The following CCDC116 variants were observed in gnomAD, a reference collection of about 807,000 sequenced individuals.
CCDC116 encodes the protein coiled-coil domain-containing protein 116.
In CCDC116, 24 loss-of-function variants were observed where a neutral mutation model predicts 29.4. The observed-to-expected ratio is 0.82, with a 90% CI of 0.59 to 1.15. CCDC116 has a LOEUF of 1.15. Ranked by LOEUF, CCDC116 falls within the 50% of genes most tolerant of loss-of-function variation. The probability of loss-of-function intolerance (pLI) is 0.00; values close to 1 mark genes in which losing one functional copy is unlikely to be tolerated. For synonymous variants in CCDC116, 298 were observed against 331.4 expected, an observed-to-expected ratio of 0.90 and a Z score of 1.10; for missense variants, 791 against 804.0, an observed-to-expected ratio of 0.98 and a Z score of 0.20.
In CCDC116 at chr22:21,633,230, A is replaced by C; in HGVS notation, c.49A>C (p.Ser17Arg). ...GGGTTACCTGGCCGATGACGAGGCCAGCCACTCCATGTGCAGTGCACGGGT... is the reference window on the plus strand; with the variant it reads ...GGGTTACCTGGCCGATGACGAGGCCCGCCACTCCATGTGCAGTGCACGGGT... ...HSGYLADDEA[S>R]HSMCSARVQL... Residue 17 changes from serine (S) to arginine (R), a missense_variant, in exon 2 of 5, where the codon AGC becomes CGC. By Grantham distance (110) the Ser-to-Arg change is moderately radical. Transcript: ENST00000292779. The C allele has an allele frequency of 1.3e-6, 2 of 1,551,482 alleles. No individual in the cohort carries two copies. The highest frequency in any genetic ancestry group is 1.7e-6 in the Non-Finnish European group (2 of 1,147,302).
Position 21,632,820 on chromosome 22 carries a change from T to A in CCDC116, c.-70T>A, listed in dbSNP as rs1930603356. ...TACTGGCCTGTGCGGAGCAAGGCGG[T>A]GTTTCTGGTGAGTCTGTTGATTCTG... On this transcript the variant is annotated 5_prime_UTR_variant, in exon 1 of 5. Transcript: ENST00000292779. 2.3e-6 allele frequency: 1 copy of A among 427,324 alleles called. No individual in the cohort carries two copies. The highest frequency in any genetic ancestry group is 3.4e-5 in the Admixed American group (1 of 29,756). 26.5% of individuals were successfully genotyped at this position (427,324 alleles called of 1,614,324 possible).
chr22:21,636,524 T>A lies in CCDC116; in HGVS notation c.1296T>A (p.Tyr432Ter). The A allele has an allele frequency of 6.2e-7, 1 of 1,614,056 alleles. No individual in the cohort carries two copies. The highest frequency in any genetic ancestry group is 8.5e-7 in the Non-Finnish European group (1 of 1,180,004). Residue 432 changes from tyrosine to a stop codon, truncating the protein, a stop_gained, in exon 5 of 5, where the codon TAT becomes TAA. Transcript: ENST00000292779. LOFTEE classifies it low-confidence loss of function (END_TRUNC). ...TGTCTCACTTCTCCAACCGCCTTTA[T>A]GAGGAGCTCGCCGACTTCCTGACCC... ...SSMSHFSNRLYEELADFLTQQ... is the reference protein window; with the variant it reads ...SSMSHFSNRL
At position 21,634,014 on chromosome 22, in the gene CCDC116, C is replaced by T. The variant is rs115833761; in HGVS notation, c.73-8C>T. The T allele has an allele frequency of 1.3e-3, 2,072 of 1,594,220 alleles. 30 individuals carry two copies. In the African/African-American group the frequency reaches 0.026, roughly 20 times the overall value. ...CCCCTGCCCCCTGTGACATACCTGT[C>T]TGCTCAGGTGCAGCTGCCCAAGAAG... On this transcript the variant is annotated splice_region_variant and splice_polypyrimidine_tract_variant and intron_variant, in intron 2 of 4. Transcript: ENST00000292779.
In CCDC116 at chr22:21,636,476, C is replaced by T. The variant is rs1336790015; in HGVS notation, c.1248C>T (p.Pro416=). Residue 416 remains proline, a synonymous_variant, in exon 5 of 5, where the codon CCC becomes CCT. Coordinates refer to ENST00000292779, the MANE Select transcript of CCDC116 (RefSeq NM_152612.3). ...GGTTCACGAAGAAGAAGCCGCTGCCCTCCATCTCGTCGAAGTCCAGCATGT... is the reference window on the plus strand; with the variant it reads ...GGTTCACGAAGAAGAAGCCGCTGCCTTCCATCTCGTCGAAGTCCAGCATGT... ...SSRFTKKKPL[P]SISSKSSMSH... The T allele has an allele frequency of 1.2e-6, 2 of 1,613,794 alleles. No homozygotes were observed. The highest frequency in any genetic ancestry group is 1.7e-6 in the Non-Finnish European group (2 of 1,180,008).
Position 21,634,521 on chromosome 22 carries a change from T to C in CCDC116, c.572T>C (p.Leu191Pro). ...QGSLPPVRDK[L>P]LLEKNLKRLL... ...TCATTGCCACCTGTGAGGGACAAACTCCTGCTGGAGAAGAACCTCAAGCGG... is the reference window on the plus strand; with the variant it reads ...TCATTGCCACCTGTGAGGGACAAACCCCTGCTGGAGAAGAACCTCAAGCGG... The change falls in exon 3 of 5, where the codon CTC becomes CCC. Residue 191 changes from leucine (L) to proline (P), a missense_variant. By Grantham distance (98) the Leu-to-Pro change is moderately conservative (BLOSUM62 -3). Coordinates refer to ENST00000292779, the MANE Select transcript of CCDC116 (RefSeq NM_152612.3). The C allele has an allele frequency of 6.2e-7, 1 of 1,611,646 alleles. No homozygotes were observed. The highest frequency in any genetic ancestry group is 8.5e-7 in the Non-Finnish European group (1 of 1,178,150).
In CCDC116 at chr22:21,634,447, C is replaced by T. The variant is rs777728849; in HGVS notation, c.498C>T (p.Ala166=). 44 of 1,614,066 alleles carry T rather than the reference C, an allele frequency of 2.7e-5. No homozygotes were observed. Among genetic ancestry groups the T allele is most frequent in the African/African-American group, 5.3e-5 (4 of 74,946 alleles). ...CCAACTGCCATAGCAGCCTCATGGCCGGCTGTCTGGGCTCCCACAGCCGGG... is the reference window on the plus strand; with the variant it reads ...CCAACTGCCATAGCAGCCTCATGGCTGGCTGTCTGGGCTCCCACAGCCGGG... ...SMSNCHSSLM[A]GCLGSHSRDS... Residue 166 remains alanine, a synonymous_variant, in exon 3 of 5, where the codon GCC becomes GCT. Transcript: ENST00000292779.
At position 21,635,057 on chromosome 22, in the gene CCDC116, G is replaced by A. The variant is rs201583912; in HGVS notation, c.994G>A (p.Gly332Ser). 69 of 1,609,436 alleles carry A rather than the reference G, an allele frequency of 4.3e-5. No homozygotes were observed. The highest frequency in any genetic ancestry group is 5.2e-5 in the Non-Finnish European group (61 of 1,179,994). ...DKLRGAHCRD[G>S]RPLFPTSLEP... is the part of the protein sequence containing the mutation. The stretch of plus-strand genomic sequence containing the variant: ...GCTCCGTGGCGCCCACTGCCGCGAC[G>A]GCCGTCCTCTGTTCCCCACCAGCTT... The change falls in exon 4 of 5, where the codon GGC becomes AGC. Residue 332 changes from glycine to serine, a missense_variant. Coordinates refer to ENST00000292779, the MANE Select transcript of CCDC116 (RefSeq NM_152612.3).
Position 21,634,182 on chromosome 22 carries a change from CTG to C in CCDC116, c.234_235del (p.Ser80ProfsTer15). On this transcript the variant is annotated frameshift_variant, in exon 3 of 5. Transcript: ENST00000292779. LOFTEE classifies it high-confidence loss of function. ...TTTGGCCACTTTCTGGATTTCCTAA[CTG>C]AGAGCCAGGTCCTGGACAGCCTGGA... 1 of 1,614,256 alleles carries C rather than the reference CTG, an allele frequency of 6.2e-7. No individual in the cohort carries two copies.
rs772219416 is a variant in CCDC116 at position 21,634,033 on chromosome 22, C to G, written c.84C>G (p.Pro28=). ...ACCTGTCTGCTCAGGTGCAGCTGCC[C>G]AAGAAGCCACTGGTCCCAGAAATGC... The part of the protein sequence containing the change: ...HSMCSARVQL[P]KKPLVPEMRP... The change falls in exon 3 of 5, where the codon CCC becomes CCG. Residue 28 remains proline, a synonymous_variant. Coordinates refer to ENST00000292779, the MANE Select transcript of CCDC116 (RefSeq NM_152612.3). The G allele has an allele frequency of 3.7e-6, 6 of 1,606,422 alleles. No homozygotes were observed. Among genetic ancestry groups the G allele is most frequent in the African/African-American group, 2.7e-5 (2 of 74,836 alleles).
In CCDC116 at chr22:21,636,805, T is replaced by C. The variant is rs774066596; in HGVS notation, c.1577T>C (p.Val526Ala). ...TSHCSTETPS[V>A]QQEPATHTAQ... is the part of the protein sequence containing the mutation. ...CACTGCAGCACAGAGACACCCTCTGTGCAGCAGGAACCAGCCACCCACACT... is the reference window on the plus strand; with the variant it reads ...CACTGCAGCACAGAGACACCCTCTGCGCAGCAGGAACCAGCCACCCACACT... Residue 526 changes from valine (V) to alanine (A), a missense_variant, in exon 5 of 5, where the codon GTG becomes GCG. Coordinates refer to ENST00000292779, the MANE Select transcript of CCDC116 (RefSeq NM_152612.3). 2 of 1,612,970 alleles carry C rather than the reference T, an allele frequency of 1.2e-6. No homozygotes were observed. Among genetic ancestry groups the C allele is most frequent in the Admixed American group, 3.3e-5 (2 of 60,016 alleles).
chr22:21,633,252 G>C lies in CCDC116; in HGVS notation c.71G>C (p.Arg24Pro). ...DEASHSMCSA[R>P]VQLPKKPLVP... ...GCCAGCCACTCCATGTGCAGTGCAC[G>C]GGTAAGTGTGCCCAGCAGGGCGCCG... Residue 24 changes from arginine (R) to proline (P), a missense_variant and splice_region_variant, in exon 2 of 5, where the codon CGG (arginine) becomes CCG (proline). Coordinates refer to ENST00000292779, the MANE Select transcript of CCDC116 (RefSeq NM_152612.3). The C allele has an allele frequency of 1.3e-6, 2 of 1,544,800 alleles. No individual in the cohort carries two copies. Among genetic ancestry groups the C allele is most frequent in the Non-Finnish European group, 1.8e-6 (2 of 1,142,096 alleles).
Position 21,635,062 on chromosome 22 carries a change from T to C in CCDC116, c.999T>C (p.Arg333=), listed in dbSNP as rs1568998334. The C allele has an allele frequency of 1.2e-6, 2 of 1,609,188 alleles. No individual in the cohort carries two copies. The highest frequency in any genetic ancestry group is 3.3e-5 in the Admixed American group (2 of 59,992). Residue 333 remains arginine (R), a synonymous_variant, in exon 4 of 5, where the codon CGT becomes CGC. Transcript: ENST00000292779. ...KLRGAHCRDG[R]PLFPTSLEPT... is the part of the protein sequence containing the mutation. ...GTGGCGCCCACTGCCGCGACGGCCG[T>C]CCTCTGTTCCCCACCAGCTTGGAGC...
chr22:21,636,983 C>A lies in CCDC116; in HGVS notation c.1755C>A (p.Gly585=). The A allele has an allele frequency of 6.2e-7, 1 of 1,613,714 alleles. No individual in the cohort carries two copies. The highest frequency in any genetic ancestry group is 1.3e-5 in the African/African-American group (1 of 75,064). ...PPKSKDMDNE[G]RDKAEIEDED... The stretch of plus-strand genomic sequence containing the variant: ...AGTCCAAGGACATGGACAATGAGGG[C>A]CGTGATAAAGCCGAGATTGAAGATG... Residue 585 remains glycine (G), a synonymous_variant, in exon 5 of 5, where the codon GGC becomes GGA. Coordinates refer to ENST00000292779, the MANE Select transcript of CCDC116 (RefSeq NM_152612.3).
In CCDC116 at chr22:21,636,697, C is replaced by G; in HGVS notation, c.1469C>G (p.Ser490Cys). The G allele has an allele frequency of 1.9e-6, 3 of 1,613,738 alleles. No homozygotes were observed. Among genetic ancestry groups the G allele is most frequent in the Non-Finnish European group, 2.5e-6 (3 of 1,180,028 alleles). The change falls in exon 5 of 5, where the codon TCC becomes TGC. Residue 490 changes from serine to cysteine, a missense_variant. Ser to Cys is a moderately radical substitution (Grantham distance 112). Transcript: ENST00000292779. ...KKVKGSRIHL[S>C]SETHRSCLLR... is the part of the protein sequence containing the mutation. ...GTAAAAGGCTCCCGCATCCACCTGT[C>G]CTCGGAGACCCACCGGAGCTGCCTG...
chr22:21,635,462 C>T (rs1489475521), intron 4 of CCDC116, 196 bp downstream of exon 4: 1 of 705,756 alleles, frequency 1.4e-6, no homozygotes, highest in East Asian at 2.7e-5. Flanking sequence ...CCAGGGCCAC[C>T]TCAGGGGCCC....
At chr22:21,634,653 G>A in intron 3 of CCDC116, 32 bp from the exon 4 acceptor site, 3 of 1,575,892 alleles carry the variant, frequency 1.9e-6, no homozygotes, top group Non-Finnish European at 2.6e-6. Flanking sequence ...GGCTGCTCCT[G>A]AACACTTCAC....
In CCDC116 at chr22:21,634,095, C is replaced by G; in HGVS notation, c.146C>G (p.Pro49Arg). 6.2e-7 allele frequency: 1 copy of G among 1,614,210 alleles called. No homozygotes were observed. Among genetic ancestry groups the G allele is most frequent in the Non-Finnish European group, 8.5e-7 (1 of 1,180,020 alleles). ...AAGCCGGGCCGTGTGCCACACCCAC[C>G]ATCCACATGTGGCAGCTCAGCACTC... ...ACKPGRVPHP[P>R]STCGSSALQG... is the part of the protein sequence containing the mutation. The change falls in exon 3 of 5, where the codon CCA becomes CGA. Residue 49 changes from proline (P) to arginine (R), a missense_variant. Transcript: ENST00000292779.
intron 1 of CCDC116, 62 bp downstream of exon 1, chr22:21,632,889 G>C (rs1930605580): frequency 3.7e-6 from 2 of 547,542 alleles, no homozygotes; most frequent in Non-Finnish European, 6.9e-6. Context: ...GGAGGAGGGC[G>C]GGTCGAGCAC....
rs781742063 is a variant in CCDC116, at chr22:21,636,665, A to G, written c.1437A>G (p.Leu479=). ...THVLRDLSLG[L]KKVKGSRIHL... ...TGCTCAGGGACCTTTCCCTGGGCTT[A>G]AAGAAGGTAAAAGGCTCCCGCATCC... The change falls in exon 5 of 5, where the codon TTA becomes TTG. Residue 479 remains leucine, a synonymous_variant. Coordinates refer to ENST00000292779, the MANE Select transcript of CCDC116 (RefSeq NM_152612.3). The G allele has an allele frequency of 3.7e-6, 6 of 1,613,840 alleles. No individual in the cohort carries two copies. The Admixed American group carries it at 8.3e-5, about 22-fold the overall frequency.
Sources: gnomAD v4.1 joint callset for allele counts on GRCh38, gnomAD v4.1.1 for gene constraint, MANE v1.5 for transcripts, NCBI Gene and HGNC (gene_info 2026-07-23, HGNC 2026-07-21) for gene names.